Variants in ZC2HC1A observed in about 807,000 individuals in gnomAD.
ZC2HC1A encodes zinc finger C2HC domain-containing protein 1A.
A neutral mutation model predicts 40.7 loss-of-function variants in ZC2HC1A; 28 were observed. The observed-to-expected ratio is 0.69, with a 90% CI of 0.51 to 0.94. The LOEUF (loss-of-function observed/expected upper bound fraction) is 0.94. Ranked by LOEUF, ZC2HC1A falls within the 40% of genes least tolerant of loss-of-function variation. The pLI, the probability that ZC2HC1A is intolerant of heterozygous loss-of-function variation, is 0.00. For missense variants in ZC2HC1A, 389 were observed against 386.3 expected (o/e 1.01, Z -0.06); for synonymous variants, 129 against 129.2 (o/e 1.00, Z 0.01).
chr8:78,669,971 C>T (rs59305540), intron 1 of ZC2HC1A, among the ~76,000 whole-genome samples: 92,636 of 125,240 alleles, frequency 0.74, 34,168 homozygotes, highest in East Asian at 0.9. Context: ...TTCTTTCTTT[C>T]TTTTTTTTTT....
chr8:78,717,431 A>C lies in ZC2HC1A; in HGVS notation c.916A>C (p.Lys306Gln). 6.2e-7 allele frequency: 1 copy of C among 1,613,510 alleles called. No homozygotes were observed. Among genetic ancestry groups the C allele is most frequent in the South Asian group, 1.1e-5 (1 of 90,958 alleles). ...LPKFCHECGTKYPVEWAKFCC... is the reference protein window; with the variant it reads ...LPKFCHECGTQYPVEWAKFCC... The stretch of plus-strand genomic sequence containing the variant: ...AAAATTCTGCCATGAGTGTGGGACT[A>C]AATACCCTGTAGAATGGGCCAAATT... The change falls in exon 9 of 9, where the codon AAA becomes CAA. Residue 306 changes from lysine (K) to glutamine (Q), a missense_variant. By Grantham distance (53) the Lys-to-Gln change is moderately conservative (BLOSUM62 1). Coordinates refer to ENST00000263849, the MANE Select transcript of ZC2HC1A (RefSeq NM_016010.3).
At chr8:78,686,375 A>G in intron 3 of ZC2HC1A, 92 bp from the exon 4 acceptor site, 1 of 1,064,650 alleles carries the variant, frequency 9.4e-7, no homozygotes, top group Non-Finnish European at 1.2e-6. Flanking sequence ...GAGAACATTT[A>G]AAATGATATG....
intron 3 of ZC2HC1A, among the ~76,000 whole-genome samples, chr8:78,685,516 A>T (rs12680932): frequency 0.2 from 30,569 of 152,086 alleles, 3,463 homozygotes; most frequent in Middle Eastern, 0.34. Flanking sequence ...CAAAAGACAG[A>T]TTGTTGGTGG....
chr8:78,707,871 G>A (rs1351698211), intron 7 of ZC2HC1A, among the ~76,000 whole-genome samples: 1 of 143,882 alleles, frequency 7.0e-6, no homozygotes. Context: ...TTTTTTTTAA[G>A]AATTAGTGAA....
At chr8:78,712,293 CTAAA>C (rs1810976341) in intron 7 of ZC2HC1A, among the ~76,000 whole-genome samples, 1 of 151,988 alleles carries the variant, frequency 6.6e-6, no homozygotes, top group African/African-American at 2.4e-5. Flanking sequence ...TTCTGTTGTA[CTAAA>C]TAAAACTTTT....
intron 5 of ZC2HC1A, among the ~76,000 whole-genome samples, chr8:78,692,571 G>A (rs979448932): frequency 2.6e-5 from 4 of 151,932 alleles, no homozygotes; most frequent in African/African-American, 7.3e-5. Context: ...CCTTTTTTAG[G>A]AGGGGAGCAG....
At chr8:78,707,856 T>C (rs201296898) in intron 7 of ZC2HC1A, among the ~76,000 whole-genome samples, 18 of 12,380 alleles carry the variant, frequency 1.5e-3, no homozygotes, top group East Asian at 0.021. Context: ...TTTTTTTTTC[T>C]TTTTTTTTTT....
intron 7 of ZC2HC1A, among the ~76,000 whole-genome samples, chr8:78,699,742 A>G (rs922397137): frequency 1.3e-5 from 2 of 152,088 alleles, no homozygotes; most frequent in Non-Finnish European, 2.9e-5. Flanking sequence ...TTCCTGTGTT[A>G]GTTTCCTAAG....
chr8:78,703,000 G>A (rs917082668), intron 7 of ZC2HC1A, among the ~76,000 whole-genome samples: 4 of 152,052 alleles, frequency 2.6e-5, no homozygotes, highest in Non-Finnish European at 4.4e-5. Context: ...GGGTTCAAGC[G>A]ATTCTCCTGC....
At chr8:78,704,868 T>C (rs1054881138) in intron 7 of ZC2HC1A, among the ~76,000 whole-genome samples, 1 of 152,224 alleles carries the variant, frequency 6.6e-6, no homozygotes, top group African/African-American at 2.4e-5. Flanking sequence ...CTCTGAGATT[T>C]GTTCTTCGCT....
chr8:78,697,000 T>C (rs1365038607), intron 5 of ZC2HC1A, among the ~76,000 whole-genome samples: 1 of 152,224 alleles, frequency 6.6e-6, no homozygotes, highest in Admixed American at 6.5e-5. Flanking sequence ...AAAAAGTTGC[T>C]GTTAGTTTGT....
chr8:78,696,768 G>T (rs1462837381), intron 5 of ZC2HC1A, among the ~76,000 whole-genome samples: 1 of 152,076 alleles, frequency 6.6e-6, no homozygotes. Context: ...TGTAAAACTT[G>T]TTCAGGTCCT....
chr8:78,675,935 A>C, intron 2 of ZC2HC1A, 72 bp downstream of exon 2: 22 of 1,331,182 alleles, frequency 1.7e-5, no homozygotes, highest in Non-Finnish European at 2.2e-5. Flanking sequence ...GTCAATTCTC[A>C]TGGGAAGAAT....
At chr8:78,701,391 G>A (rs1328087076) in intron 7 of ZC2HC1A, among the ~76,000 whole-genome samples, 2 of 152,144 alleles carry the variant, frequency 1.3e-5, no homozygotes, top group African/African-American at 4.8e-5. Context: ...AGAAGCTTTT[G>A]GGCTGATATA....
chr8:78,678,683 A>G lies in ZC2HC1A; in HGVS notation c.210+4A>G. The G allele has an allele frequency of 2.5e-6, 4 of 1,597,272 alleles. No homozygotes were observed. Among genetic ancestry groups the G allele is most frequent in the Non-Finnish European group, 3.4e-6 (4 of 1,171,756 alleles). On this transcript the variant is annotated splice_donor_region_variant and intron_variant, in intron 3 of 8. Transcript: ENST00000263849. ...AGTAAAACCTCTCAAACCGAGGGTA[A>G]CTATATAACCTTTTGAACAGTATGA...
intron 5 of ZC2HC1A, among the ~76,000 whole-genome samples, chr8:78,689,943 C>T (rs1010757126): frequency 6.6e-6 from 1 of 152,108 alleles, no homozygotes; most frequent in African/African-American, 2.4e-5. Flanking sequence ...TTAGCTCTTA[C>T]ATCTGTAAAT....
At chr8:78,685,795 A>C (rs1325094105) in intron 3 of ZC2HC1A, 1 of 152,202 alleles carries the variant, frequency 6.6e-6, no homozygotes, top group East Asian at 1.9e-4. Context: ...TCTATGGAAA[A>C]ACAGGGAAAT....
intron 7 of ZC2HC1A, 100 bp downstream of exon 7, chr8:78,698,613 T>C: frequency 2.3e-6 from 2 of 887,836 alleles, no homozygotes; most frequent in Non-Finnish European, 3.2e-6. Flanking sequence ...CTTCATTTCC[T>C]AAGTTCATTT....
intron 3 of ZC2HC1A, 56 bp from the exon 4 acceptor site, chr8:78,686,411 A>T: frequency 8.0e-7 from 1 of 1,248,750 alleles, no homozygotes; most frequent in Non-Finnish European, 1.0e-6. Flanking sequence ...TTATTTCAAT[A>T]TACTAAAAAG....
Sources: gnomAD v4.1 joint callset for allele counts (sites outside exome capture counted in the v4.1 genomes callset) on GRCh38, gnomAD v4.1.1 for gene constraint, MANE v1.5 for transcripts, NCBI Gene and HGNC (gene_info 2026-07-23, HGNC 2026-07-21) for gene names.